Variants in CLSTN2 observed in about 807,000 individuals in gnomAD.
The protein encoded by CLSTN2 is calsyntenin 2.
In CLSTN2, 48 loss-of-function variants were observed where a neutral mutation model predicts 101.2. The observed-to-expected ratio is 0.47, with a 90% CI of 0.38 to 0.60. The LOEUF is 0.60. Among genes scored for constraint, CLSTN2 ranks in the 20% least tolerant of loss-of-function variants. The pLI is 0.00. For synonymous variants in CLSTN2, 481 were observed against 463.6 expected (o/e 1.04, Z -0.48); for missense variants, 1,160 against 1,238.2 (o/e 0.94, Z 0.95).
At chr3:140,348,194 ACTT>A (rs1214766378) in intron 2 of CLSTN2, among the ~76,000 whole-genome samples, 1 of 152,106 alleles carries the variant, frequency 6.6e-6, no homozygotes, top group Non-Finnish European at 1.5e-5. Flanking sequence ...TAGTGGCTCT[ACTT>A]CTTTGGATTC....
intron 1 of CLSTN2, among the ~76,000 whole-genome samples, chr3:139,959,722 T>G (rs1260429909): frequency 6.6e-6 from 1 of 152,186 alleles, no homozygotes; most frequent in Non-Finnish European, 1.5e-5. Context: ...AAGCTCATTC[T>G]GTGCCCTCAG....
At chr3:140,486,313 T>C (rs941928691) in intron 8 of CLSTN2, among the ~76,000 whole-genome samples, 1 of 152,166 alleles carries the variant, frequency 6.6e-6, no homozygotes. Context: ...TAAATAAATA[T>C]AAAAGACTGT....
chr3:140,229,748 GTTTTCAAGTCT>G (rs1248853741), intron 2 of CLSTN2, among the ~76,000 whole-genome samples: 5 of 152,032 alleles, frequency 3.3e-5, no homozygotes, highest in Non-Finnish European at 5.9e-5. Context: ...ATCAGACCCA[GTTTTCAAGTCT>G]TTTTCCTGTC....
At chr3:140,074,326 C>T (rs961766186) in intron 1 of CLSTN2, among the ~76,000 whole-genome samples, 6 of 152,108 alleles carry the variant, frequency 3.9e-5, no homozygotes, top group African/African-American at 1.2e-4. Flanking sequence ...ACAGAGGGCC[C>T]GGTTTGGCAT....
intron 1 of CLSTN2, among the ~76,000 whole-genome samples, chr3:140,147,114 G>A (rs1189437242): frequency 2.0e-5 from 3 of 152,222 alleles, no homozygotes; most frequent in Non-Finnish European, 4.4e-5. Flanking sequence ...AGAGGTCACA[G>A]TCCAATAGAT....
intron 8 of CLSTN2, among the ~76,000 whole-genome samples, chr3:140,483,027 G>T (rs571247221): frequency 6.6e-6 from 1 of 152,034 alleles, no homozygotes; most frequent in Non-Finnish European, 1.5e-5. Context: ...TCTTTTAATT[G>T]TGATGTTAGG....
intron 1 of CLSTN2, among the ~76,000 whole-genome samples, chr3:140,111,533 C>G (rs1275939525): frequency 6.6e-6 from 1 of 152,058 alleles, no homozygotes; most frequent in Non-Finnish European, 1.5e-5. Flanking sequence ...TATCAAAGTG[C>G]CCCCACCCAC....
chr3:140,245,373 AAT>A (rs201434202), intron 2 of CLSTN2, among the ~76,000 whole-genome samples: 2,130 of 152,282 alleles, frequency 0.014, 51 homozygotes, highest in African/African-American at 0.048. Context: ...TGAATACAGA[AAT>A]GAAGAAGACC....
chr3:140,001,874 T>C (rs2006849327), intron 1 of CLSTN2, among the ~76,000 whole-genome samples: 1 of 152,202 alleles, frequency 6.6e-6, no homozygotes. Flanking sequence ...ACGTGTGATG[T>C]TTGCCCTTTC....
At chr3:140,296,583 C>T (rs1339289829) in intron 2 of CLSTN2, among the ~76,000 whole-genome samples, 1 of 152,192 alleles carries the variant, frequency 6.6e-6, no homozygotes, top group Non-Finnish European at 1.5e-5. Context: ...TTGGGATGCT[C>T]ATCATTTTCT....
chr3:140,348,477 C>T (rs926572869), intron 2 of CLSTN2, among the ~76,000 whole-genome samples: 1 of 152,178 alleles, frequency 6.6e-6, no homozygotes, highest in Non-Finnish European at 1.5e-5. Context: ...ACCCCCTACC[C>T]CAGTCACTAA....
intron 1 of CLSTN2, among the ~76,000 whole-genome samples, chr3:140,061,029 G>C (rs116044642): frequency 6.6e-6 from 1 of 152,126 alleles, no homozygotes; most frequent in African/African-American, 2.4e-5. Context: ...GAGCAGAGGG[G>C]CATAAGAGAA....
intron 1 of CLSTN2, among the ~76,000 whole-genome samples, chr3:140,151,888 G>T (rs2009873207): frequency 6.6e-6 from 1 of 152,176 alleles, no homozygotes; most frequent in Admixed American, 6.5e-5. Context: ...CTTATAAGGA[G>T]CAATATACAG....
At chr3:140,378,447 A>G (rs2087943645) in intron 2 of CLSTN2, among the ~76,000 whole-genome samples, 1 of 152,370 alleles carries the variant, frequency 6.6e-6, no homozygotes, top group South Asian at 2.1e-4. Context: ...CAACCTTCCT[A>G]AATGAATAGA....
At chr3:140,030,853 C>T (rs1224509444) in intron 1 of CLSTN2, among the ~76,000 whole-genome samples, 3 of 152,220 alleles carry the variant, frequency 2.0e-5, no homozygotes, top group Non-Finnish European at 2.9e-5. Context: ...CTTGAATTCC[C>T]TTTGGTGGGA....
intron 1 of CLSTN2, among the ~76,000 whole-genome samples, chr3:140,090,950 A>G (rs1276649573): frequency 6.6e-6 from 1 of 152,124 alleles, no homozygotes; most frequent in East Asian, 1.9e-4. Flanking sequence ...GAGAAGGTGT[A>G]TTGCATGTAG....
intron 1 of CLSTN2, among the ~76,000 whole-genome samples, chr3:140,132,627 G>A (rs899845590): frequency 6.6e-6 from 1 of 152,188 alleles, no homozygotes; most frequent in Admixed American, 6.6e-5. Context: ...TAAATGAGAT[G>A]ACATGTGAAA....
chr3:140,166,756 G>T (rs539106680), intron 1 of CLSTN2, among the ~76,000 whole-genome samples: 2 of 152,134 alleles, frequency 1.3e-5, no homozygotes, highest in African/African-American at 4.8e-5. Context: ...CTGCATGAGT[G>T]CAAAGACACG....
chr3:139,981,879 G>C (rs996239469), intron 1 of CLSTN2, among the ~76,000 whole-genome samples: 1 of 152,204 alleles, frequency 6.6e-6, no homozygotes, highest in Middle Eastern at 3.2e-3. Flanking sequence ...ATCACAGGTA[G>C]AGAAGGAAAT....
Sources: gnomAD v4.1 joint callset for allele counts (sites outside exome capture counted in the v4.1 genomes callset) on GRCh38, gnomAD v4.1.1 for gene constraint, MANE v1.5 for transcripts, NCBI Gene and HGNC (gene_info 2026-07-23, HGNC 2026-07-21) for gene names.